Variants in PDSS2 observed in about 807,000 individuals in gnomAD.
PDSS2 encodes decaprenyl diphosphate synthase subunit 2.
A neutral mutation model predicts 44.5 loss-of-function variants in PDSS2; 31 were observed. The observed-to-expected ratio is 0.70, with a 90% CI of 0.52 to 0.94. The LOEUF is 0.94. Among genes scored for constraint, PDSS2 ranks in the 40% least tolerant of loss-of-function variants. The pLI is 0.00. For missense variants in PDSS2, 452 were observed against 482.2 expected (o/e 0.94, Z 0.59); for synonymous variants, 157 against 180.3 (o/e 0.87, Z 1.03).
intron 3 of PDSS2, 85 bp downstream of exon 3, chr6:107,273,944 C>T: frequency 1.0e-6 from 1 of 1,001,726 alleles, no homozygotes; most frequent in Non-Finnish European, 1.6e-6. Flanking sequence ...GTTGGGGCAG[C>T]CGGGCACACA....
intron 4 of PDSS2, among the ~76,000 whole-genome samples, chr6:107,239,131 G>A (rs1356599149): frequency 6.6e-6 from 1 of 152,064 alleles, no homozygotes; most frequent in Non-Finnish European, 1.5e-5. Context: ...ACAAAAATTA[G>A]CCGGGCATGG....
chr6:107,406,284 T>C (rs1214699144), intron 1 of PDSS2, among the ~76,000 whole-genome samples: 1 of 152,182 alleles, frequency 6.6e-6, no homozygotes, highest in Non-Finnish European at 1.5e-5. Flanking sequence ...CCAAATGTTA[T>C]TATTTAACTT....
chr6:107,220,005 C>T (rs1014519840), intron 4 of PDSS2, among the ~76,000 whole-genome samples: 3 of 152,058 alleles, frequency 2.0e-5, no homozygotes, highest in African/African-American at 7.2e-5. Flanking sequence ...TGGAAGAAGC[C>T]GGACACAAGA....
chr6:107,201,408 A>AAAAAAAAAAAC (rs1426038106), intron 6 of PDSS2, among the ~76,000 whole-genome samples: 1 of 150,774 alleles, frequency 6.6e-6, no homozygotes, highest in African/African-American at 2.4e-5. Flanking sequence ...AAAAAAAAAA[A>AAAAAAAAAAAC]AAAAAAGCCA....
chr6:107,389,548 A>G (rs1265595347), intron 1 of PDSS2, among the ~76,000 whole-genome samples: 1 of 152,202 alleles, frequency 6.6e-6, no homozygotes, highest in Admixed American at 6.5e-5. Context: ...AAGCCAGATT[A>G]CTCACTGTTG....
chr6:107,222,951 T>A (rs768717978), intron 4 of PDSS2, among the ~76,000 whole-genome samples: 5,676 of 136,228 alleles, frequency 0.042, 291 homozygotes, highest in African/African-American at 0.13. Context: ...ACAAAAAAAA[T>A]TTTTTTTTTT....
chr6:107,158,120 A>G (rs782559789), intron 7 of PDSS2, among the ~76,000 whole-genome samples: 5 of 152,140 alleles, frequency 3.3e-5, no homozygotes, highest in Non-Finnish European at 7.3e-5. Context: ...AGGTCCAGAG[A>G]AACTCAGTGA....
chr6:107,197,263 A>AGGGGGGGGGGGGGTAG (rs35169458), intron 6 of PDSS2, among the ~76,000 whole-genome samples: 1 of 97,500 alleles, frequency 1.0e-5, no homozygotes, highest in African/African-American at 3.9e-5. Flanking sequence ...GGGTGGGGTA[A>AGGGGGGGGGGGGGTAG]GGGGGGGGTG....
At chr6:107,392,208 G>A (rs536483341) in intron 1 of PDSS2, among the ~76,000 whole-genome samples, 6 of 152,024 alleles carry the variant, frequency 3.9e-5, no homozygotes, top group Admixed American at 3.9e-4. Context: ...ATAAACACAG[G>A]TATACATGTT....
chr6:107,278,044 AC>A (rs1205898828), intron 2 of PDSS2, among the ~76,000 whole-genome samples: 3 of 151,962 alleles, frequency 2.0e-5, no homozygotes, highest in African/African-American at 4.8e-5. Context: ...CTTAAAAAAA[AC>A]AGAATGGTTT....
intron 3 of PDSS2, among the ~76,000 whole-genome samples, chr6:107,268,233 CAT>C (rs1292335506): frequency 6.6e-6 from 1 of 152,070 alleles, no homozygotes; most frequent in Non-Finnish European, 1.5e-5. Flanking sequence ...AGAAAAATCT[CAT>C]ATAACTTATG....
chr6:107,207,697 C>T (rs567057232), intron 6 of PDSS2, among the ~76,000 whole-genome samples: 9 of 147,850 alleles, frequency 6.1e-5, no homozygotes, highest in Admixed American at 2.8e-4. Flanking sequence ...GCAACCTCTG[C>T]CTCCAGTGTT....
At chr6:107,265,656 A>C (rs528061492) in intron 3 of PDSS2, among the ~76,000 whole-genome samples, 20 of 152,278 alleles carry the variant, frequency 1.3e-4, no homozygotes, top group Admixed American at 3.9e-4. Flanking sequence ...AGATAAGAAA[A>C]CTTGGCCAGG....
intron 1 of PDSS2, among the ~76,000 whole-genome samples, chr6:107,338,363 T>C (rs941000770): frequency 1.3e-5 from 2 of 152,144 alleles, no homozygotes; most frequent in African/African-American, 4.8e-5. Flanking sequence ...CTAGGAAGGC[T>C]AGCTTAGAAA....
At chr6:107,326,341 C>T (rs373604407) in intron 2 of PDSS2, among the ~76,000 whole-genome samples, 1 of 151,854 alleles carries the variant, frequency 6.6e-6, no homozygotes, top group South Asian at 2.1e-4. Context: ...AACTCCTGAC[C>T]TCAAGTGATC....
chr6:107,258,475 A>C (rs1417493085), intron 3 of PDSS2, among the ~76,000 whole-genome samples: 1 of 152,116 alleles, frequency 6.6e-6, no homozygotes, highest in Admixed American at 6.5e-5. Flanking sequence ...TAAAAAAAAA[A>C]AAAAAAAGTT....
chr6:107,193,767 C>G (rs1772461271), intron 7 of PDSS2, 55 bp downstream of exon 7: 2 of 1,060,532 alleles, frequency 1.9e-6, no homozygotes, highest in Admixed American at 1.7e-5. Flanking sequence ...TAAACGAAAG[C>G]CAAACACCAA....
At chr6:107,453,426 G>A (rs1781938045) in intron 1 of PDSS2, among the ~76,000 whole-genome samples, 3 of 150,910 alleles carry the variant, frequency 2.0e-5, no homozygotes, top group Non-Finnish European at 4.4e-5. Context: ...TGCCTATGAT[G>A]TTCAATTGTT....
At chr6:107,319,017 C>T (rs1562459100) in intron 2 of PDSS2, among the ~76,000 whole-genome samples, 1 of 151,012 alleles carries the variant, frequency 6.6e-6, no homozygotes, top group African/African-American at 2.4e-5. Context: ...TACACACACA[C>T]ACACACACAT....
Sources: allele counts gnomAD v4.1 joint callset (sites outside exome capture counted in the v4.1 genomes callset), GRCh38; gene constraint gnomAD v4.1.1; transcripts MANE v1.5; gene names NCBI Gene and HGNC (gene_info 2026-07-23, HGNC 2026-07-21).